SLC6A18: variants seen among roughly 807,000 people sequenced by gnomAD.
SLC6A18 encodes inactive sodium-dependent neutral amino acid transporter B(0)AT3.
Under a neutral mutation model 62.9 loss-of-function variants are expected in SLC6A18, and 58 were observed. The observed-to-expected ratio is 0.92, with a 90% CI of 0.75 to 1.15. The LOEUF is 1.15. SLC6A18 is among the 50% of genes most tolerant of loss of function. The pLI, the probability that SLC6A18 is intolerant of heterozygous loss-of-function variation, is 0.00. For missense variants in SLC6A18, 793 were observed against 836.6 expected, an observed-to-expected ratio of 0.95 and a Z score of 0.64; for synonymous variants, 382 against 365.8, an observed-to-expected ratio of 1.04 and a Z score of -0.51.
At chr5:1,240,439 G>T in intron 6 of SLC6A18, 92 bp from the exon 7 acceptor site, 1 of 1,562,090 alleles carries the variant, frequency 6.4e-7, no homozygotes, top group Non-Finnish European at 8.7e-7. Context: ...GGGAGAGAGG[G>T]TCAAGGAGGG....
chr5:1,230,759 G>A (rs1000782456), intron 1 of SLC6A18, among the ~76,000 whole-genome samples: 1 of 152,156 alleles, frequency 6.6e-6, no homozygotes, highest in Admixed American at 6.5e-5. Flanking sequence ...GTGGGCAGCC[G>A]GCACCCATGT....
chr5:1,226,825 A>C (rs1409019303), intron 1 of SLC6A18, among the ~76,000 whole-genome samples: 1 of 152,184 alleles, frequency 6.6e-6, no homozygotes, highest in Admixed American at 6.5e-5. Flanking sequence ...GCTAAGAGTC[A>C]CCAGAGCATG....
intron 3 of SLC6A18, among the ~76,000 whole-genome samples, chr5:1,234,141 C>T (rs1281217336): frequency 6.6e-6 from 1 of 152,210 alleles, no homozygotes; most frequent in East Asian, 1.9e-4. Flanking sequence ...GCTTCAGCCT[C>T]CCAAAGCACT....
rs1160771522 is a variant in SLC6A18 at position 1,246,137 on chromosome 5, G to T, written c.*59G>T. 1 of 1,488,512 alleles carries T rather than the reference G, an allele frequency of 6.7e-7. No homozygotes were observed. 92.2% of individuals were successfully genotyped at this position (1,488,512 alleles called of 1,614,324 possible). On this transcript the variant is annotated 3_prime_UTR_variant, in exon 12 of 12. Coordinates refer to ENST00000324642, the MANE Select transcript of SLC6A18 (RefSeq NM_182632.3). ...TGTGGGGGGGCTTGGCCTGATGGTG[G>T]GCGGGGCCCCGCCCACAGGGCCGAC...
chr5:1,225,573 T>C lies in SLC6A18; in HGVS notation c.96T>C (p.Thr32=), dbSNP rs7728814. The C allele has an allele frequency of 0.76, 1,232,163 of 1,611,386 alleles. 473,540 individuals carry two copies. Among genetic ancestry groups the C allele is most frequent in the Non-Finnish European group, 0.78 (921,676 of 1,178,754 alleles). Residue 32 remains threonine (T), a synonymous_variant, in exon 1 of 12, where the codon ACT becomes ACC. Coordinates refer to ENST00000324642, the MANE Select transcript of SLC6A18 (RefSeq NM_182632.3). ...DNKAQYLLSC[T]GFAVGLGNIW... ...AGGCCCAGTACCTCCTGAGCTGCACTGGGTTTGCCGTGGGACTGGGGAACA... is the reference window on the plus strand; with the variant it reads ...AGGCCCAGTACCTCCTGAGCTGCACCGGGTTTGCCGTGGGACTGGGGAACA...
At chr5:1,239,321 G>A in intron 5 of SLC6A18, 129 bp from the exon 6 acceptor site, 1 of 666,440 alleles carries the variant, frequency 1.5e-6, no homozygotes, top group Non-Finnish European at 2.7e-6. Context: ...CCCTGTTCCT[G>A]GTGTCTGTAC....
At chr5:1,232,481 G>A (rs1010574157) in intron 2 of SLC6A18, 122 bp downstream of exon 2, 20 of 1,356,200 alleles carry the variant, frequency 1.5e-5, no homozygotes, top group Non-Finnish European at 1.9e-5. Flanking sequence ...AGGCCGGCGG[G>A]TGGGGTGGCA....
intron 1 of SLC6A18, 48 bp from the exon 2 acceptor site, chr5:1,232,171 C>G (rs746148082): frequency 6.4e-7 from 1 of 1,572,704 alleles, no homozygotes; most frequent in East Asian, 2.3e-5. Flanking sequence ...GCCACAGTCC[C>G]CCCCAGCCCC....
chr5:1,233,347 G>A (rs183127214), intron 3 of SLC6A18, among the ~76,000 whole-genome samples: 16 of 152,178 alleles, frequency 1.1e-4, no homozygotes, highest in Non-Finnish European at 2.2e-4. Context: ...GCATGGTGGC[G>A]GGCATCTGTA....
chr5:1,234,262 C>T (rs1746827777), intron 3 of SLC6A18, among the ~76,000 whole-genome samples: 1 of 152,226 alleles, frequency 6.6e-6, no homozygotes, highest in Non-Finnish European at 1.5e-5. Context: ...AAAACTCACG[C>T]TGGGCTGGTG....
intron 1 of SLC6A18, among the ~76,000 whole-genome samples, chr5:1,231,344 C>T (rs562775278): frequency 3.8e-4 from 58 of 152,274 alleles, no homozygotes; most frequent in African/African-American, 1.4e-3. Context: ...CCTATGGGCA[C>T]CCCCATCATG....
chr5:1,233,382 A>G (rs1310131612), intron 3 of SLC6A18, among the ~76,000 whole-genome samples: 1 of 152,098 alleles, frequency 6.6e-6, no homozygotes, highest in East Asian at 1.9e-4. Flanking sequence ...GGAGGCTGAG[A>G]CAGAAGAATT....
intron 7 of SLC6A18, 135 bp from the exon 8 acceptor site, chr5:1,242,572 C>T (rs867192033): frequency 1.7e-6 from 2 of 1,187,726 alleles, no homozygotes; most frequent in Admixed American, 2.9e-5. Context: ...GCAGGAGGGG[C>T]CCACACGATC....
In SLC6A18 at chr5:1,240,535, G is replaced by T. The variant is rs772544172; in HGVS notation, c.850G>T (p.Asp284Tyr). Residue 284 changes from aspartate to tyrosine, a missense_variant, in exon 7 of 12, where the codon GAC (aspartate) becomes TAC (tyrosine). By Grantham distance (160) the Asp-to-Tyr change is radical (BLOSUM62 -3). Transcript: ENST00000324642. ...TGAGCGTGCGTTTGTGCCCAGGAAT[G>T]ACTGCCAGAAGGATGCGGTGGTCAT... is the stretch of plus-strand genomic sequence containing the variant. ...AFASYNSPRN[D>Y]CQKDAVVIAL... The T allele has an allele frequency of 5.0e-6, 8 of 1,613,998 alleles. No individual in the cohort carries two copies. The highest frequency in any genetic ancestry group is 1.1e-5 in the South Asian group (1 of 91,050).
In SLC6A18 at chr5:1,242,774, G is replaced by A. The variant is rs1409196033; in HGVS notation, c.1042G>A (p.Ala348Thr). ...EQSISRDDYP[A>T]VLMHLNATWP... ...GAGCATCTCCAGGGACGACTACCCAGCCGTCCTCATGCACCTGAACGCCAC... is the reference window on the plus strand; with the variant it reads ...GAGCATCTCCAGGGACGACTACCCAACCGTCCTCATGCACCTGAACGCCAC... The change falls in exon 8 of 12, where the codon GCC (alanine) becomes ACC (threonine). Residue 348 changes from alanine to threonine, a missense_variant. Coordinates refer to ENST00000324642, the MANE Select transcript of SLC6A18 (RefSeq NM_182632.3). The A allele has an allele frequency of 3.7e-6, 6 of 1,614,042 alleles. No individual in the cohort carries two copies. The highest frequency in any genetic ancestry group is 1.7e-4 in the Middle Eastern group (1 of 6,058).
intron 6 of SLC6A18, among the ~76,000 whole-genome samples, chr5:1,239,840 T>C (rs1308222742): frequency 3.3e-5 from 5 of 152,230 alleles, no homozygotes; most frequent in African/African-American, 7.2e-5. Flanking sequence ...GCCTCAATGG[T>C]CACCTGAAAT....
intron 7 of SLC6A18, among the ~76,000 whole-genome samples, chr5:1,242,083 C>T (rs1017657629): frequency 1.2e-4 from 1 of 8,512 alleles, no homozygotes; most frequent in Non-Finnish European, 3.7e-4. Flanking sequence ...GAAGGGTGGG[C>T]GGGTGGGCTG....
At chr5:1,233,695 A>G (rs1746797337) in intron 3 of SLC6A18, among the ~76,000 whole-genome samples, 1 of 139,578 alleles carries the variant, frequency 7.2e-6, no homozygotes, top group Admixed American at 7.5e-5. Flanking sequence ...TGATTCTCCT[A>G]CCTCCACTTC....
chr5:1,246,073 C>T lies in SLC6A18; in HGVS notation c.1882C>T (p.Arg628Cys). The T allele has an allele frequency of 6.3e-7, 1 of 1,575,026 alleles. No homozygotes were observed. Among genetic ancestry groups the T allele is most frequent in the Admixed American group, 1.8e-5 (1 of 56,382 alleles). Residue 628 changes from arginine (R) to cysteine (C), a missense_variant, in exon 12 of 12, where the codon CGC (arginine) becomes TGC (cysteine). Arg to Cys is a radical substitution (Grantham distance 180). Coordinates refer to ENST00000324642, the MANE Select transcript of SLC6A18 (RefSeq NM_182632.3). ...GGACATGCGCCCGGACACGGACATGCGCTGAAGCCGGCCGGAGCGGGGCCT... is the reference window on the plus strand; with the variant it reads ...GGACATGCGCCCGGACACGGACATGTGCTGAAGCCGGCCGGAGCGGGGCCT... ...DTDMRPDTDM[R>C]
Sources: gnomAD v4.1 joint callset for allele counts (sites outside exome capture counted in the v4.1 genomes callset) on GRCh38, gnomAD v4.1.1 for gene constraint, MANE v1.5 for transcripts, NCBI Gene and HGNC (gene_info 2026-07-23, HGNC 2026-07-21) for gene names.